FBRSL1: variants seen among roughly 807,000 people sequenced by gnomAD.
FBRSL1 encodes fibrosin like 1, also known as fibrosin-1-like protein.
Under a neutral mutation model 89.6 loss-of-function variants are expected in FBRSL1, and 51 were observed. The ratio of observed to expected loss-of-function variants is 0.57; its 90% CI spans 0.45 to 0.72. The LOEUF (loss-of-function observed/expected upper bound fraction) is 0.72. FBRSL1 is among the 30% of genes least tolerant of loss of function. The probability of loss-of-function intolerance (pLI) is 0.00; values close to 1 mark genes in which losing one functional copy is unlikely to be tolerated. For missense variants in FBRSL1, 1,618 were observed against 1,451.8 expected, an observed-to-expected ratio of 1.11 and a Z score of -1.86; for synonymous variants, 779 against 681.1, an observed-to-expected ratio of 1.14 and a Z score of -2.24.
chr12:132,525,067 G>A (rs2035675610), intron 2 of FBRSL1, among the ~76,000 whole-genome samples: 1 of 152,140 alleles, frequency 6.6e-6, no homozygotes, highest in Non-Finnish European at 1.5e-5. Flanking sequence ...CGGTGGGCGT[G>A]GGGCGTGGGG....
At chr12:132,576,979 G>A (rs752538673) in intron 15 of FBRSL1, 48 bp downstream of exon 15, 37 of 1,523,984 alleles carry the variant, frequency 2.4e-5, no homozygotes, top group Non-Finnish European at 3.1e-5. Context: ...CCTCCCGCTC[G>A]TGCCCAGCTG....
rs967890530 is a variant in FBRSL1, at chr12:132,570,502, T to G, written c.1175T>G (p.Leu392Arg). 1 of 1,526,610 alleles carries G rather than the reference T, an allele frequency of 6.6e-7. No homozygotes were observed. The highest frequency in any genetic ancestry group is 8.8e-7 in the Non-Finnish European group (1 of 1,142,330). 94.6% of individuals were successfully genotyped at this position (1,526,610 alleles called of 1,614,324 possible). ...CCGACACTGCCCCCGCCCCCGGCGC[T>G]GCCGGCCAGCAGCCTGGTCCTCCCA... ...APPTLPPPPA[L>R]PASSLVLPGH... Residue 392 changes from leucine to arginine, a missense_variant, in exon 8 of 19, where the codon CTG (leucine) becomes CGG (arginine). Leu to Arg is a moderately radical substitution (Grantham distance 102). Transcript: ENST00000680143.
At chr12:132,560,954 C>T (rs188573274) in intron 5 of FBRSL1, among the ~76,000 whole-genome samples, 75 of 152,156 alleles carry the variant, frequency 4.9e-4, no homozygotes, top group African/African-American at 1.8e-3. Context: ...GCCAGAAGCC[C>T]TGTCCTAGAA....
chr12:132,524,052 C>T (rs1243935683), intron 2 of FBRSL1, among the ~76,000 whole-genome samples: 1 of 152,240 alleles, frequency 6.6e-6, no homozygotes, highest in African/African-American at 2.4e-5. Flanking sequence ...CTCTGCTGCA[C>T]AGGCCGTGCC....
intron 1 of FBRSL1, 42 bp downstream of exon 1, chr12:132,490,903 C>T (rs1241486035): frequency 1.3e-5 from 14 of 1,118,926 alleles, no homozygotes; most frequent in African/African-American, 5.0e-5. Context: ...GAGGCGAGAA[C>T]GGGGCCCGGA....
At chr12:132,515,453 C>T (rs1194727665) in intron 2 of FBRSL1, among the ~76,000 whole-genome samples, 1 of 151,444 alleles carries the variant, frequency 6.6e-6, no homozygotes, top group South Asian at 2.1e-4. Flanking sequence ...CTAAAGCAAT[C>T]CTTAAAGGAA....
chr12:132,528,087 C>A, intron 4 of FBRSL1, 99 bp downstream of exon 4: 1 of 1,076,020 alleles, frequency 9.3e-7, no homozygotes, highest in Non-Finnish European at 1.4e-6. Flanking sequence ...TAGCTCACCC[C>A]AGTCCCGTGC....
At chr12:132,570,684 T>G (rs2039952040) in intron 8 of FBRSL1, 144 bp downstream of exon 8, 2 of 758,822 alleles carry the variant, frequency 2.6e-6, no homozygotes, top group East Asian at 6.1e-5. Context: ...TTCCCCCAGG[T>G]GTGCCTTTCC....
chr12:132,531,841 A>G (rs1391883814), intron 4 of FBRSL1, among the ~76,000 whole-genome samples: 1 of 152,198 alleles, frequency 6.6e-6, no homozygotes, highest in Non-Finnish European at 1.5e-5. Context: ...TGGTTTTATG[A>G]ACCATCCTTA....
chr12:132,511,184 TC>T, intron 2 of FBRSL1: 1 of 984,722 alleles, frequency 1.0e-6, no homozygotes, highest in South Asian at 4.7e-5. Flanking sequence ...ACCCGGAGGC[TC>T]CCACCCCCAC....
chr12:132,548,610 C>T (rs1327523872), intron 5 of FBRSL1, among the ~76,000 whole-genome samples: 2 of 152,240 alleles, frequency 1.3e-5, no homozygotes, highest in East Asian at 1.9e-4. Context: ...GGGGGGCTCT[C>T]CTTCTGCCCC....
rs1263039958 is a variant in FBRSL1 at position 132,570,474 on chromosome 12, C to T, written c.1147C>T (p.Pro383Ser). The stretch of plus-strand genomic sequence containing the variant: ...GCTCCACGCGGCCATGTTTGCCGCA[C>T]CCCCGACACTGCCCCCGCCCCCGGC... ...HQLHAAMFAAPPTLPPPPALP... is the reference protein window; with the variant it reads ...HQLHAAMFAASPTLPPPPALP... Residue 383 changes from proline (P) to serine (S), a missense_variant, in exon 8 of 19, where the codon CCC becomes TCC. By Grantham distance (74) the Pro-to-Ser change is moderately conservative. Coordinates refer to ENST00000680143, the MANE Select transcript of FBRSL1 (RefSeq NM_001367871.1). 7.8e-6 allele frequency: 12 copies of T among 1,531,540 alleles called. No individual in the cohort carries two copies. The highest frequency in any genetic ancestry group is 2.0e-5 in the Admixed American group (1 of 50,754). 94.9% of individuals were successfully genotyped at this position (1,531,540 alleles called of 1,614,324 possible).
rs577186267 is a variant in FBRSL1 at position 132,584,429 on chromosome 12, T to C, written c.*651T>C. 1 of 152,330 alleles carries C rather than the reference T, an allele frequency of 6.6e-6. No homozygotes were observed. The highest frequency in any genetic ancestry group is 2.4e-5 in the African/African-American group (1 of 41,562). The allele number at this position is 152,330 out of a possible 1,614,324, so 9.4% of individuals were successfully genotyped here. ...ACTAAATTCTTAATCTAGATAGACT[T>C]TATAAAAACCGTTTCCAGAAACCCC... On this transcript the variant is annotated 3_prime_UTR_variant, in exon 19 of 19. Transcript: ENST00000680143.
chr12:132,570,249 C>A lies in FBRSL1; in HGVS notation c.1007+8C>A. On this transcript the variant is annotated splice_region_variant and intron_variant, in intron 7 of 18. Transcript: ENST00000680143. ...CGGCCTGCACGGCCTCAGGTGGGGTCCCCGCGGGGGACGGGGCCTGTGTGG... is the reference window on the plus strand; with the variant it reads ...CGGCCTGCACGGCCTCAGGTGGGGTACCCGCGGGGGACGGGGCCTGTGTGG... 6.7e-7 allele frequency: 1 copy of A among 1,491,358 alleles called. No homozygotes were observed. Among genetic ancestry groups the A allele is most frequent in the Non-Finnish European group, 8.9e-7 (1 of 1,129,458 alleles). 92.4% of individuals were successfully genotyped at this position (1,491,358 alleles called of 1,614,324 possible).
chr12:132,529,655 T>C (rs1191593724), intron 4 of FBRSL1, among the ~76,000 whole-genome samples: 11 of 127,578 alleles, frequency 8.6e-5, no homozygotes, highest in East Asian at 4.7e-4. Flanking sequence ...ACCCTGGGCT[T>C]GGCTCTGCCA....
intron 1 of FBRSL1, among the ~76,000 whole-genome samples, chr12:132,501,356 G>A (rs543450848): frequency 2.8e-4 from 43 of 152,292 alleles, no homozygotes; most frequent in South Asian, 1.9e-3. Context: ...CCTGGCTAGC[G>A]TGGGCCCGGG....
intron 2 of FBRSL1, among the ~76,000 whole-genome samples, chr12:132,519,239 A>ACCCCACTTCTCTT (rs776913385): frequency 2.5e-4 from 38 of 152,326 alleles, no homozygotes; most frequent in Non-Finnish European, 2.9e-4. Flanking sequence ...GAAACAAGCA[A>ACCCCACTTCTCTT]CCCCACTTCT....
Position 132,570,259 on chromosome 12 carries a change from GA to G in FBRSL1, c.1007+19del, listed in dbSNP as rs1246178687. 2.7e-6 allele frequency: 4 copies of G among 1,497,278 alleles called. No homozygotes were observed. In the South Asian group the frequency reaches 3.8e-5, roughly 14 times the overall value. The allele number at this position is 1,497,278 out of a possible 1,614,324, so 92.7% of individuals were successfully genotyped here. On this transcript the variant is annotated intron_variant, in intron 7 of 18. Transcript: ENST00000680143. Reference sequence around the variant, plus strand: ...GGCCTCAGGTGGGGTCCCCGCGGGGGACGGGGCCTGTGTGGTCTCAGGATGG... The same window carrying G: ...GGCCTCAGGTGGGGTCCCCGCGGGGGCGGGGCCTGTGTGGTCTCAGGATGG...
At chr12:132,547,603 GTCCT>G (rs2037809347) in intron 4 of FBRSL1, among the ~76,000 whole-genome samples, 1 of 152,234 alleles carries the variant, frequency 6.6e-6, no homozygotes, top group Non-Finnish European at 1.5e-5. Flanking sequence ...CAGTGGGGCT[GTCCT>G]GGGCCGGAGG....
Sources: allele counts gnomAD v4.1 joint callset (sites outside exome capture counted in the v4.1 genomes callset), GRCh38; gene constraint gnomAD v4.1.1; transcripts MANE v1.5; gene names NCBI Gene and HGNC (gene_info 2026-07-23, HGNC 2026-07-21).